Variants in GLRX5 observed in about 807,000 individuals in gnomAD.
GLRX5 encodes the protein glutaredoxin 5.
In GLRX5, 10 loss-of-function variants were observed where a neutral mutation model predicts 13.8. The ratio of observed to expected loss-of-function variants is 0.72; its 90% CI spans 0.45 to 1.23. GLRX5 has a LOEUF of 1.23. Ranked by LOEUF, GLRX5 falls within the 50% of genes most tolerant of loss-of-function variation. GLRX5 has a pLI of 0.00. For synonymous variants in GLRX5, 98 were observed against 101.1 expected, an observed-to-expected ratio of 0.97 and a Z score of 0.18; for missense variants, 233 against 215.2, an observed-to-expected ratio of 1.08 and a Z score of -0.52.
Position 95,543,952 on chromosome 14 carries a change from A to G in GLRX5, c.301A>G (p.Lys101Glu). ...TAAATGTTCTTTCTCCATAGGCATT[A>G]AAGACTATTCCAACTGGCCCACCAT... is the stretch of plus-strand genomic sequence containing the variant. ...LDDPELRQGI[K>E]DYSNWPTIPQ... The change falls in exon 2 of 2, where the codon AAA (lysine) becomes GAA (glutamate). Residue 101 changes from lysine to glutamate, a missense_variant. Lys to Glu is a moderately conservative substitution (Grantham distance 56). Coordinates refer to ENST00000331334, the MANE Select transcript of GLRX5 (RefSeq NM_016417.3). 1.9e-6 allele frequency: 3 copies of G among 1,612,400 alleles called. No individual in the cohort carries two copies. The highest frequency in any genetic ancestry group is 1.1e-5 in the South Asian group (1 of 91,052).
chr14:95,543,589 GT>G, intron 1 of GLRX5: 1 of 329,594 alleles, frequency 3.0e-6, no homozygotes, highest in Non-Finnish European at 5.8e-6. Flanking sequence ...GCATTACCCA[GT>G]CCAGTCCTCT....
intron 1 of GLRX5, 112 bp downstream of exon 1, chr14:95,535,496 G>C: frequency 9.2e-7 from 1 of 1,085,828 alleles, no homozygotes. Flanking sequence ...CATCCGCCGG[G>C]GTCTGTCTGA....
intron 1 of GLRX5, among the ~76,000 whole-genome samples, chr14:95,539,510 T>C (rs962122250): frequency 1.3e-5 from 2 of 152,256 alleles, no homozygotes; most frequent in African/African-American, 2.4e-5. Context: ...ATACCATTTG[T>C]ATATGTAAAT....
At chr14:95,543,210 C>G (rs1438985959) in intron 1 of GLRX5, 1 of 456,008 alleles carries the variant, frequency 2.2e-6, no homozygotes, top group Admixed American at 2.3e-5. Context: ...TCACCAGTCA[C>G]TTCGGGTTCT....
intron 1 of GLRX5, 32 bp downstream of exon 1, chr14:95,535,416 G>A: frequency 1.3e-6 from 2 of 1,534,734 alleles, no homozygotes; most frequent in Non-Finnish European, 1.8e-6. Context: ...GGCGCCCTCC[G>A]CCCCGGGCCC....
intron 1 of GLRX5, chr14:95,543,248 G>A: frequency 4.4e-6 from 2 of 454,502 alleles, no homozygotes; most frequent in Non-Finnish European, 8.9e-6. Context: ...CCACTCCACA[G>A]AGAGCCCATC....
intron 1 of GLRX5, 132 bp downstream of exon 1, chr14:95,535,516 C>A: frequency 1.1e-6 from 1 of 876,620 alleles, no homozygotes; most frequent in Non-Finnish European, 1.8e-6. Context: ...AAGGTTCGAG[C>A]CGGGTTAGGG....
rs748054600 is a variant in GLRX5 at position 95,535,282 on chromosome 14, C to T, written c.193C>T (p.Pro65Ser). The change falls in exon 1 of 2, where the codon CCC becomes TCC. Residue 65 changes from proline (P) to serine (S), a missense_variant. By Grantham distance (74) the Pro-to-Ser change is moderately conservative. Coordinates refer to ENST00000331334, the MANE Select transcript of GLRX5 (RefSeq NM_016417.3). ...CTTCCTCAAGGGGACGCCGGAGCAGCCCCAGTGCGGCTTCAGCAACGCCGT... is the reference window on the plus strand; with the variant it reads ...CTTCCTCAAGGGGACGCCGGAGCAGTCCCAGTGCGGCTTCAGCAACGCCGT... ...VVFLKGTPEQ[P>S]QCGFSNAVVQ... The T allele has an allele frequency of 2.6e-6, 4 of 1,568,420 alleles. No homozygotes were observed. In the South Asian group the frequency reaches 3.5e-5, roughly 14 times the overall value.
intron 1 of GLRX5, among the ~76,000 whole-genome samples, chr14:95,540,962 G>A (rs1042437389): frequency 1.7e-4 from 26 of 152,080 alleles, no homozygotes; most frequent in African/African-American, 6.3e-4. Flanking sequence ...GGGTTTTTTT[G>A]GTGGAGCATT....
In GLRX5 at chr14:95,543,811, A is replaced by G. The variant is rs1384930822; in HGVS notation, c.296-136A>G. 1.2e-5 allele frequency: 9 copies of G among 750,402 alleles called. No homozygotes were observed. In the South Asian group the frequency reaches 1.4e-4, roughly 12 times the overall value. 46.5% of individuals were successfully genotyped at this position (750,402 alleles called of 1,614,324 possible). On this transcript the variant is annotated intron_variant, in intron 1 of 1. Coordinates refer to ENST00000331334, the MANE Select transcript of GLRX5 (RefSeq NM_016417.3). ...AAAACTCATGCTCTTAGTGGCAAGC[A>G]CAGTGTTCTCAAGATTGGGGGAAGC...
intron 1 of GLRX5, among the ~76,000 whole-genome samples, chr14:95,542,623 T>A (rs1891490895): frequency 6.6e-6 from 1 of 152,240 alleles, no homozygotes; most frequent in Non-Finnish European, 1.5e-5. Flanking sequence ...AGTTTTTGTA[T>A]TTTTAGTTTG....
chr14:95,543,341 T>TAAA (rs3071412), intron 1 of GLRX5: 81,001 of 311,186 alleles, frequency 0.26, 4,466 homozygotes, highest in South Asian at 0.32. Context: ...TGTTAAAAAT[T>TAAA]AAAAAAAAAA....
intron 1 of GLRX5, chr14:95,543,090 T>C: frequency 2.2e-6 from 1 of 456,058 alleles, no homozygotes; most frequent in Non-Finnish European, 4.4e-6. Flanking sequence ...ATCACATGCA[T>C]GCTGGTTGGT....
chr14:95,543,758 G>A (rs1891511796), intron 1 of GLRX5, 189 bp from the exon 2 acceptor site: 1 of 621,200 alleles, frequency 1.6e-6, no homozygotes, highest in Non-Finnish European at 2.9e-6. Context: ...GGAAGAGTCA[G>A]GGCCTAACCA....
At chr14:95,543,666 CA>C (rs3071413) in intron 1 of GLRX5, 891 of 369,910 alleles carry the variant, frequency 2.4e-3, no homozygotes, top group East Asian at 5.8e-3. Context: ...CTAATTCTCA[CA>C]AAAAAAAAAA....
intron 1 of GLRX5, chr14:95,542,840 A>C: frequency 2.9e-6 from 1 of 340,270 alleles, no homozygotes; most frequent in Non-Finnish European, 5.9e-6. Flanking sequence ...TTAATGGCCG[A>C]CTATGTTTTT....
intron 1 of GLRX5, among the ~76,000 whole-genome samples, chr14:95,537,160 T>G (rs1047435642): frequency 1.8e-4 from 27 of 152,206 alleles, no homozygotes; most frequent in Non-Finnish European, 2.8e-4. Flanking sequence ...TCGAGGGTCT[T>G]TGGTTTGTGA....
intron 1 of GLRX5, among the ~76,000 whole-genome samples, chr14:95,539,894 T>A (rs1891443222): frequency 1.2e-5 from 1 of 83,546 alleles, no homozygotes. Flanking sequence ...TATATATATA[T>A]ATATTTTTTT....
intron 1 of GLRX5, among the ~76,000 whole-genome samples, chr14:95,538,254 A>G (rs1595282090): frequency 6.6e-6 from 1 of 152,328 alleles, no homozygotes; most frequent in Admixed American, 6.5e-5. Context: ...ATAAATAAAT[A>G]CTGCTTTTAT....
Sources: gnomAD v4.1 joint callset for allele counts (sites outside exome capture counted in the v4.1 genomes callset) on GRCh38, gnomAD v4.1.1 for gene constraint, MANE v1.5 for transcripts, NCBI Gene and HGNC (gene_info 2026-07-23, HGNC 2026-07-21) for gene names.